The following NTRK3 variants were observed in gnomAD, a reference collection of about 807,000 sequenced individuals.
NTRK3 encodes the protein neurotrophic receptor tyrosine kinase 3, also known as NT-3 growth factor receptor.
In NTRK3, 24 loss-of-function variants were observed where a neutral mutation model predicts 91.7. The ratio of observed to expected loss-of-function variants is 0.26; its 90% CI spans 0.19 to 0.37. NTRK3 has a LOEUF of 0.37. Ranked by LOEUF, NTRK3 falls within the 10% of genes least tolerant of loss-of-function variation. The pLI is 1.00. For synonymous variants in NTRK3, 483 were observed against 404.0 expected, an observed-to-expected ratio of 1.20 and a Z score of -2.34; for missense variants, 880 against 1,068.9, an observed-to-expected ratio of 0.82 and a Z score of 2.46.
At chr15:88,129,364 C>G (rs546743423) in intron 10 of NTRK3, among the ~76,000 whole-genome samples, 32 of 152,302 alleles carry the variant, frequency 2.1e-4, no homozygotes, top group African/African-American at 7.5e-4. Flanking sequence ...ATCACTCAAT[C>G]CTTATTACCA....
intron 13 of NTRK3, among the ~76,000 whole-genome samples, chr15:88,066,244 G>A (rs189307264): frequency 2.0e-5 from 3 of 152,328 alleles, no homozygotes; most frequent in African/African-American, 7.2e-5. Flanking sequence ...GACATGTAGG[G>A]AGAATGATGG....
chr15:87,965,777 A>AT (rs1294545088), intron 14 of NTRK3, among the ~76,000 whole-genome samples: 1 of 152,146 alleles, frequency 6.6e-6, no homozygotes, highest in Non-Finnish European at 1.5e-5. Flanking sequence ...ATGATTCAGT[A>AT]TTTTTAAGAA....
chr15:88,140,717 G>A (rs2042307849), intron 6 of NTRK3, among the ~76,000 whole-genome samples: 1 of 152,210 alleles, frequency 6.6e-6, no homozygotes, highest in Non-Finnish European at 1.5e-5. Context: ...GAGGATGAGA[G>A]TGAAAAAGGC....
chr15:87,988,860 T>C (rs2075058085), intron 14 of NTRK3, among the ~76,000 whole-genome samples: 1 of 152,202 alleles, frequency 6.6e-6, no homozygotes, highest in African/African-American at 2.4e-5. Flanking sequence ...TGAATAAAAG[T>C]CATACATAAT....
intron 17 of NTRK3, among the ~76,000 whole-genome samples, chr15:87,886,882 CA>C (rs1188604857): frequency 1.3e-5 from 2 of 149,276 alleles, no homozygotes; most frequent in Non-Finnish European, 3.0e-5. Flanking sequence ...TTCTATTTAT[CA>C]AAAAATTAAT....
intron 13 of NTRK3, among the ~76,000 whole-genome samples, chr15:88,054,797 C>T (rs1312245622): frequency 6.6e-6 from 1 of 152,096 alleles, no homozygotes; most frequent in Non-Finnish European, 1.5e-5. Flanking sequence ...TAGCAGCAAA[C>T]ATTCAACAAG....
intron 13 of NTRK3, among the ~76,000 whole-genome samples, chr15:88,114,754 G>C (rs1051028254): frequency 2.0e-5 from 3 of 152,168 alleles, no homozygotes; most frequent in Non-Finnish European, 4.4e-5. Context: ...CAGGAAATTA[G>C]GAAGGGACTG....
chr15:87,909,520 G>T (rs1263760555), intron 17 of NTRK3, among the ~76,000 whole-genome samples: 2 of 152,106 alleles, frequency 1.3e-5, no homozygotes, highest in Admixed American at 6.5e-5. Context: ...AATGAAATGG[G>T]GATTGCTGAG....
At chr15:88,110,390 A>G (rs3825883) in intron 13 of NTRK3, among the ~76,000 whole-genome samples, 94,852 of 151,998 alleles carry the variant, frequency 0.62, 31,092 homozygotes, top group African/African-American at 0.84. Context: ...ATTCTCCCCC[A>G]GAATATCCCT....
At chr15:88,075,697 C>A (rs1339045581) in intron 13 of NTRK3, among the ~76,000 whole-genome samples, 1 of 152,180 alleles carries the variant, frequency 6.6e-6, no homozygotes, top group African/African-American at 2.4e-5. Flanking sequence ...GCTGCAATTT[C>A]TCTTGCTTCG....
At chr15:88,222,896 G>C (rs113887551) in intron 3 of NTRK3, among the ~76,000 whole-genome samples, 1 of 152,174 alleles carries the variant, frequency 6.6e-6, no homozygotes, top group Admixed American at 6.5e-5. Flanking sequence ...GTCAGGCAGC[G>C]GCGAAGTGAG....
chr15:87,930,753 G>A (rs530575250), intron 16 of NTRK3, among the ~76,000 whole-genome samples: 8 of 152,286 alleles, frequency 5.3e-5, no homozygotes, highest in African/African-American at 1.2e-4. Flanking sequence ...GGTCACCCTC[G>A]ACTGATAGAG....
At chr15:87,947,637 C>T (rs2070696771) in intron 14 of NTRK3, among the ~76,000 whole-genome samples, 1 of 151,830 alleles carries the variant, frequency 6.6e-6, no homozygotes, top group African/African-American at 2.4e-5. Flanking sequence ...AAGGTGAGTC[C>T]TGAGCGTGAC....
chr15:87,976,958 G>A (rs1413001234), intron 14 of NTRK3, among the ~76,000 whole-genome samples: 1 of 146,740 alleles, frequency 6.8e-6, no homozygotes, highest in Non-Finnish European at 1.5e-5. Flanking sequence ...CAGCTCTCAA[G>A]AGAAGATTTC....
At chr15:87,878,553 C>T (rs1471138922) in intron 18 of NTRK3, among the ~76,000 whole-genome samples, 3 of 152,204 alleles carry the variant, frequency 2.0e-5, no homozygotes, top group Admixed American at 6.5e-5. Context: ...GGATTCAGTT[C>T]GAACTACAGT....
rs2066905454 is a variant in NTRK3 at position 87,908,543 on chromosome 15, G to A, written c.2133+20648C>T. Reference sequence around the variant, plus strand: ...GCCGCTGCCACACCACACTGAACGGGCCCTTCTGGCATGGCCCTTCCTGAC... The same window carrying A: ...GCCGCTGCCACACCACACTGAACGGACCCTTCTGGCATGGCCCTTCCTGAC... On this transcript the variant is annotated intron_variant, in intron 17 of 18. Coordinates refer to ENST00000394480, the Ensembl canonical transcript of NTRK3. The A allele has an allele frequency of 7.5e-6, 3 of 399,460 alleles. No individual in the cohort carries two copies. In the East Asian group the frequency reaches 1.1e-4, roughly 14 times the overall value. 24.7% of individuals were successfully genotyped at this position (399,460 alleles called of 1,614,324 possible). A position where few individuals can be genotyped will look rare whatever the true frequency, so the allele number is the denominator to read the frequency against.
At chr15:88,201,184 G>A (rs1372807417) in intron 3 of NTRK3, among the ~76,000 whole-genome samples, 3 of 152,212 alleles carry the variant, frequency 2.0e-5, no homozygotes, top group African/African-American at 7.2e-5. Context: ...TACCCACCAT[G>A]ATATGTTGGA....
chr15:88,023,057 A>G (rs1479150719), intron 14 of NTRK3, among the ~76,000 whole-genome samples: 1 of 152,086 alleles, frequency 6.6e-6, no homozygotes, highest in Non-Finnish European at 1.5e-5. Flanking sequence ...GCTTCATATG[A>G]TTTTTTTCTT....
At chr15:88,214,270 T>G (rs2049528388) in intron 3 of NTRK3, among the ~76,000 whole-genome samples, 1 of 152,124 alleles carries the variant, frequency 6.6e-6, no homozygotes, top group South Asian at 2.1e-4. Flanking sequence ...CTCCCTCGAA[T>G]GGCTGTAGAA....
Sources: allele counts gnomAD v4.1 joint callset (sites outside exome capture counted in the v4.1 genomes callset), GRCh38; gene constraint gnomAD v4.1.1; transcripts MANE v1.5; gene names NCBI Gene and HGNC (gene_info 2026-07-23, HGNC 2026-07-21).